TTC17: variants seen among roughly 807,000 people sequenced by gnomAD.
TTC17 encodes tetratricopeptide repeat protein 17.
A neutral mutation model predicts 143.8 loss-of-function variants in TTC17; 58 were observed. The observed-to-expected ratio is 0.40, with a 90% CI of 0.33 to 0.50. The LOEUF is 0.50. Ranked by LOEUF, TTC17 falls within the 20% of genes least tolerant of loss-of-function variation. The probability of loss-of-function intolerance (pLI) is 0.49; values close to 1 mark genes in which losing one functional copy is unlikely to be tolerated. For synonymous variants in TTC17, 501 were observed against 497.8 expected, an observed-to-expected ratio of 1.01 and a Z score of -0.09; for missense variants, 1,273 against 1,392.5, an observed-to-expected ratio of 0.91 and a Z score of 1.37.
At chr11:43,405,094 CTT>C (rs528720022) in intron 11 of TTC17, among the ~76,000 whole-genome samples, 83 of 132,488 alleles carry the variant, frequency 6.3e-4, no homozygotes, top group African/African-American at 2.1e-3. Flanking sequence ...TCTTCTTTTT[CTT>C]TTTTTTTTTT....
At chr11:43,466,782 G>C (rs781594744) in intron 21 of TTC17, 2 of 320,142 alleles carry the variant, frequency 6.2e-6, no homozygotes, top group Middle Eastern at 6.7e-4. Context: ...CAGGGTGAAA[G>C]AGGGCATGAA....
At chr11:43,414,549 A>AT in intron 15 of TTC17, 41 bp from the exon 16 acceptor site, 1 of 1,570,182 alleles carries the variant, frequency 6.4e-7, no homozygotes, top group Non-Finnish European at 8.6e-7. Flanking sequence ...CCCAGAAAAT[A>AT]TTAGTTCATT....
Position 43,390,892 on chromosome 11 carries a change from G to A in TTC17, c.420-573G>A, listed in dbSNP as rs565383178. Reference sequence around the variant, plus strand: ...CAGTGGAAGTATAAATTGGTTTAACGTTTCTAGACAATTGAGCAGTTGTAT... The same window carrying A: ...CAGTGGAAGTATAAATTGGTTTAACATTTCTAGACAATTGAGCAGTTGTAT... On this transcript the variant is annotated intron_variant, in intron 3 of 23. Transcript: ENST00000039989. 5.3e-5 allele frequency among the ~76,000 whole-genome samples: 8 copies of A among 152,176 alleles called. 1 individual carries two copies. The South Asian group carries it at 1.0e-3, about 20-fold the overall frequency.
chr11:43,431,009 G>C (rs534387037), intron 16 of TTC17, among the ~76,000 whole-genome samples: 1 of 152,234 alleles, frequency 6.6e-6, no homozygotes. Flanking sequence ...CCACTTATGA[G>C]TGAGAACATG....
At chr11:43,417,755 T>C (rs905017820) in intron 16 of TTC17, among the ~76,000 whole-genome samples, 2 of 152,170 alleles carry the variant, frequency 1.3e-5, no homozygotes, top group Non-Finnish European at 2.9e-5. Flanking sequence ...AGAATCAGAC[T>C]TGAAGTTCAG....
rs898055015 is a variant in TTC17 at position 43,391,899 on chromosome 11, T to G, written c.610T>G (p.Leu204Val). 2.5e-6 allele frequency: 4 copies of G among 1,613,528 alleles called. No homozygotes were observed. The African/African-American group carries it at 5.3e-5, about 22-fold the overall frequency. ...AATCTTCACATATTTATCTAAACGG[T>G]TAGGAAGGAGTATAGATGACATAGG... is the stretch of plus-strand genomic sequence containing the variant. ...DPIFTYLSKR[L>V]GRSIDDIGHL... Residue 204 changes from leucine to valine, a missense_variant, in exon 5 of 24, where the codon TTA (leucine) becomes GTA (valine). Physicochemically the swap from Leu to Val is conservative, Grantham distance 32. Around this residue, in one of 3 missense-constraint regions of TTC17, gnomAD observed 325 missense variants for 444.2 expected, o/e 0.73. Transcript: ENST00000039989.
rs545811692 is a variant in TTC17 at position 43,428,721 on chromosome 11, G to A, written c.2251+13945G>A. On this transcript the variant is annotated intron_variant, in intron 16 of 23. Coordinates refer to ENST00000039989, the MANE Select transcript of TTC17 (RefSeq NM_018259.6). ...GCAAGTTTCAGGTGTGACCATGTGT[G>A]AACAGAGTATTTCCCAGGACAGAAT... 5.9e-5 allele frequency among the ~76,000 whole-genome samples: 9 copies of A among 152,344 alleles called. 1 individual carries two copies. The East Asian group carries it at 1.7e-3, about 29-fold the overall frequency.
At chr11:43,414,835 C>G (rs569765314) in intron 16 of TTC17, 59 bp downstream of exon 16, 2 of 1,518,052 alleles carry the variant, frequency 1.3e-6, no homozygotes, top group Admixed American at 2.1e-5. Flanking sequence ...CTCTTCTGAT[C>G]AAAAGAACAC....
At position 43,493,784 on chromosome 11, in the gene TTC17, A is replaced by G; in HGVS notation, c.3306A>G (p.Glu1102=). The G allele has an allele frequency of 2.5e-6, 4 of 1,614,130 alleles. No individual in the cohort carries two copies. The South Asian group carries it at 4.4e-5, about 18-fold the overall frequency. ...GNVYVAMEEF[E]KALVWYESTL... is the part of the protein sequence containing the mutation. ...CTTGGCCCTCACAGGAAGAATTTGA[A>G]AAAGCACTGGTGTGGTATGAATCCA... The change falls in exon 24 of 24, where the codon GAA becomes GAG. Residue 1102 remains glutamate, a synonymous_variant. Transcript: ENST00000039989.
chr11:43,483,185 G>GT (rs1010812026), intron 21 of TTC17, among the ~76,000 whole-genome samples: 4 of 133,278 alleles, frequency 3.0e-5, no homozygotes, highest in African/African-American at 9.7e-5. Context: ...TAAGTAGTAA[G>GT]TTTTTAAAAA....
intron 11 of TTC17, among the ~76,000 whole-genome samples, 164 bp from the exon 12 acceptor site, chr11:43,405,350 C>T (rs1158461160): frequency 6.6e-6 from 1 of 152,100 alleles, no homozygotes; most frequent in Non-Finnish European, 1.5e-5. Context: ...GAATTACTGA[C>T]TTAGATTAAT....
In TTC17 at chr11:43,462,553, T is replaced by C. The variant is rs560070097; in HGVS notation, c.3030+11288T>C. ...AAGGGAGCACAGCCCTGCTGACACA[T>C]TGACTTTGACCCAATGATATTGATT... On this transcript the variant is annotated intron_variant, in intron 21 of 23. Transcript: ENST00000039989. Among the ~76,000 whole-genome samples, 3 of 152,274 alleles carry C rather than the reference T, an allele frequency of 2.0e-5. No individual in the cohort carries two copies. The East Asian group carries it at 5.8e-4, about 29-fold the overall frequency.
intron 18 of TTC17, chr11:43,446,597 T>G (rs187353072): frequency 1.1e-4 from 96 of 879,942 alleles, no homozygotes; most frequent in Non-Finnish European, 1.2e-4. Flanking sequence ...CAGAGTTAAT[T>G]TGAAACTCTT....
At chr11:43,421,273 A>T (rs1478375340) in intron 16 of TTC17, among the ~76,000 whole-genome samples, 1 of 152,186 alleles carries the variant, frequency 6.6e-6, no homozygotes, top group African/African-American at 2.4e-5. Context: ...AGGCAGAGAG[A>T]ATAGCATTGC....
chr11:43,365,197 C>A (rs1484361803), intron 1 of TTC17, among the ~76,000 whole-genome samples: 1 of 152,158 alleles, frequency 6.6e-6, no homozygotes, highest in Non-Finnish European at 1.5e-5. Flanking sequence ...AACTCCTAGG[C>A]TCAAGTGATC....
chr11:43,410,666 A>G (rs1239553479), intron 15 of TTC17, among the ~76,000 whole-genome samples: 4 of 152,190 alleles, frequency 2.6e-5, no homozygotes, highest in African/African-American at 4.8e-5. Flanking sequence ...CCTTTATTCA[A>G]CAGCTTACTT....
chr11:43,449,477 T>G (rs1317315334), intron 19 of TTC17: 1 of 152,286 alleles, frequency 6.6e-6, no homozygotes, highest in African/African-American at 2.4e-5. Context: ...ATATTTTATC[T>G]TTTATAACTT....
chr11:43,447,416 CTCT>C (rs1947566964), intron 18 of TTC17, among the ~76,000 whole-genome samples: 1 of 152,064 alleles, frequency 6.6e-6, no homozygotes, highest in Admixed American at 6.6e-5. Context: ...CTCCCTGCTG[CTCT>C]TCTTTATAGT....
intron 1 of TTC17, among the ~76,000 whole-genome samples, chr11:43,370,818 TTGTTTG>T (rs1422485856): frequency 6.6e-6 from 1 of 151,856 alleles, no homozygotes; most frequent in Non-Finnish European, 1.5e-5. Context: ...GTTTGTTTGT[TTGTTTG>T]TTTTAAGATG....
Sources: allele counts gnomAD v4.1 joint callset (sites outside exome capture counted in the v4.1 genomes callset), GRCh38; gene constraint gnomAD v4.1.1; regional missense constraint gnomAD v4.1.1; transcripts MANE v1.5; gene names NCBI Gene and HGNC (gene_info 2026-07-23, HGNC 2026-07-21).